FIGN: variants seen among roughly 807,000 people sequenced by gnomAD.
FIGN encodes fidgetin.
Under a neutral mutation model 51.3 loss-of-function variants are expected in FIGN, and 11 were observed. The observed-to-expected ratio is 0.21, with a 90% CI of 0.13 to 0.35. FIGN has a LOEUF of 0.35. Ranked by LOEUF, FIGN falls within the 10% of genes least tolerant of loss-of-function variation. The probability of loss-of-function intolerance (pLI) is 1.00; values close to 1 mark genes in which losing one functional copy is unlikely to be tolerated. For missense variants in FIGN, 857 were observed against 943.6 expected, an observed-to-expected ratio of 0.91 and a Z score of 1.20; for synonymous variants, 407 against 363.2, an observed-to-expected ratio of 1.12 and a Z score of -1.37.
At position 163,611,199 on chromosome 2, in the gene FIGN, C is replaced by G. The variant is rs773053951; in HGVS notation, c.633G>C (p.Pro211=). The G allele has an allele frequency of 3.1e-6, 5 of 1,613,978 alleles. No individual in the cohort carries two copies. The highest frequency in any genetic ancestry group is 4.2e-6 in the Non-Finnish European group (5 of 1,179,990). The stretch of plus-strand genomic sequence containing the variant: ...GTAGCCCAGAGCTATGCAAAGGAGA[C>G]GGATGAGGTGAAGGAAGTGCAGGTG... ...QPAPALPSPH[P]SPLHSSGLLQ... The change falls in exon 3 of 3, where the codon CCG becomes CCC. Residue 211 remains proline, a synonymous_variant. Transcript: ENST00000333129.
rs534319064 is a variant in FIGN at position 163,606,014 on chromosome 2, T to C, written c.*3538A>G. 1 of 152,206 alleles carries C rather than the reference T, an allele frequency of 6.6e-6. No homozygotes were observed. The highest frequency in any genetic ancestry group is 6.5e-5 in the Admixed American group (1 of 15,268). The allele number at this position is 152,206 out of a possible 1,614,324, so 9.4% of individuals were successfully genotyped here. On this transcript the variant is annotated 3_prime_UTR_variant, in exon 3 of 3. Transcript: ENST00000333129. Reference sequence around the variant, plus strand: ...AGCCTCTGGATAGCTTTTATCACTTTCCCAGATGGTGTTTGGCCTATGTAT... The same window carrying C: ...AGCCTCTGGATAGCTTTTATCACTTCCCCAGATGGTGTTTGGCCTATGTAT...
chr2:163,619,939 G>A (rs535888723), intron 2 of FIGN, among the ~76,000 whole-genome samples: 25 of 151,984 alleles, frequency 1.6e-4, no homozygotes, highest in Non-Finnish European at 2.9e-4. Context: ...TTTTGTAAAT[G>A]TTTCTGTGTA....
chr2:163,672,476 C>G lies in FIGN; in HGVS notation c.26-60670G>C, dbSNP rs372884678. 1.1e-4 allele frequency among the ~76,000 whole-genome samples: 16 copies of G among 152,240 alleles called. 1 individual carries two copies. In the East Asian group the frequency reaches 2.7e-3, roughly 26 times the overall value. On this transcript the variant is annotated intron_variant, in intron 2 of 2. Coordinates refer to ENST00000333129, the MANE Select transcript of FIGN (RefSeq NM_018086.4). ...ATGCCTTAGTTACATTTTCTGTCTC[C>G]TCCAATTAGACTCCTCCAATGCTAC...
intron 2 of FIGN, 63 bp downstream of exon 2, chr2:163,734,840 C>T (rs556967422): frequency 1.3e-6 from 2 of 1,496,208 alleles, no homozygotes; most frequent in Admixed American, 1.9e-5. Flanking sequence ...ATGGTTTTAT[C>T]ATGCTATTTC....
At chr2:163,611,947 C>A in intron 2 of FIGN, 141 bp from the exon 3 acceptor site, 2 of 652,470 alleles carry the variant, frequency 3.1e-6, no homozygotes, top group Non-Finnish European at 5.2e-6. Context: ...GTTTATAATA[C>A]CTATTATGAT....
intron 2 of FIGN, among the ~76,000 whole-genome samples, chr2:163,658,347 A>T (rs1683595185): frequency 6.8e-6 from 1 of 146,750 alleles, no homozygotes; most frequent in African/African-American, 2.6e-5. Flanking sequence ...GTTATCAGCG[A>T]ATCTTCTTAA....
chr2:163,612,721 T>TG, intron 2 of FIGN: 11 of 289,742 alleles, frequency 3.8e-5, no homozygotes, highest in African/African-American at 6.8e-5. Context: ...TGTGTGTGTA[T>TG]TTATACACAT....
At chr2:163,671,135 T>C (rs1217118021) in intron 2 of FIGN, among the ~76,000 whole-genome samples, 1 of 152,184 alleles carries the variant, frequency 6.6e-6, no homozygotes, top group Non-Finnish European at 1.5e-5. Flanking sequence ...AGAGATGCAA[T>C]GTGCCCACTT....
At chr2:163,649,222 T>C (rs560946186) in intron 2 of FIGN, among the ~76,000 whole-genome samples, 1 of 152,280 alleles carries the variant, frequency 6.6e-6, no homozygotes, top group African/African-American at 2.4e-5. Context: ...AAACCATTAC[T>C]GTGGTAGCTA....
At chr2:163,662,412 C>T (rs1283048449) in intron 2 of FIGN, among the ~76,000 whole-genome samples, 2 of 152,204 alleles carry the variant, frequency 1.3e-5, no homozygotes, top group Non-Finnish European at 2.9e-5. Context: ...AGAAAATTTG[C>T]AGCCTGGCGA....
chr2:163,688,535 T>C (rs966221408), intron 2 of FIGN, among the ~76,000 whole-genome samples: 3 of 152,162 alleles, frequency 2.0e-5, no homozygotes, highest in Non-Finnish European at 2.9e-5. Context: ...AGTATATCTA[T>C]GTGAAAGTTA....
At chr2:163,693,504 A>G (rs1189800177) in intron 2 of FIGN, among the ~76,000 whole-genome samples, 1 of 152,166 alleles carries the variant, frequency 6.6e-6, no homozygotes, top group Non-Finnish European at 1.5e-5. Context: ...TCACTTTACA[A>G]AGCATTACAA....
chr2:163,653,084 A>G (rs1683503862), intron 2 of FIGN, among the ~76,000 whole-genome samples: 1 of 152,178 alleles, frequency 6.6e-6, no homozygotes, highest in Non-Finnish European at 1.5e-5. Flanking sequence ...CTCTGGTATT[A>G]TAATTCACCT....
intron 2 of FIGN, among the ~76,000 whole-genome samples, chr2:163,718,863 C>G (rs1052984953): frequency 8.3e-5 from 12 of 144,738 alleles, no homozygotes; most frequent in Non-Finnish European, 1.7e-4. Context: ...GAGAGAGAGA[C>G]ATATTACAGA....
At chr2:163,699,521 C>G (rs1039865839) in intron 2 of FIGN, among the ~76,000 whole-genome samples, 2 of 152,100 alleles carry the variant, frequency 1.3e-5, no homozygotes, top group African/African-American at 4.8e-5. Context: ...TCTACATGTT[C>G]ACATGAATGT....
intron 2 of FIGN, among the ~76,000 whole-genome samples, chr2:163,643,567 C>T (rs1683335896): frequency 6.6e-6 from 1 of 151,128 alleles, no homozygotes; most frequent in Non-Finnish European, 1.5e-5. Flanking sequence ...AAGAGAATCG[C>T]TTGAACCTGG....
intron 2 of FIGN, among the ~76,000 whole-genome samples, chr2:163,720,331 C>T (rs13026329): frequency 3.3e-5 from 5 of 152,036 alleles, no homozygotes; most frequent in African/African-American, 1.2e-4. Flanking sequence ...AAACCCTGGA[C>T]AAAGACAAGG....
intron 2 of FIGN, among the ~76,000 whole-genome samples, chr2:163,639,666 C>T (rs1199681006): frequency 2.0e-5 from 3 of 152,076 alleles, no homozygotes; most frequent in Non-Finnish European, 2.9e-5. Context: ...GACCCAGATA[C>T]ACTGAAACCA....
At chr2:163,677,581 T>C (rs115463012) in intron 2 of FIGN, among the ~76,000 whole-genome samples, 1,560 of 152,380 alleles carry the variant, frequency 0.01, 24 homozygotes, top group African/African-American at 0.036. Flanking sequence ...CTAATCTTTT[T>C]TAAAACATGA....
Sources: allele counts gnomAD v4.1 joint callset (sites outside exome capture counted in the v4.1 genomes callset), GRCh38; gene constraint gnomAD v4.1.1; transcripts MANE v1.5; gene names NCBI Gene and HGNC (gene_info 2026-07-23, HGNC 2026-07-21).